The following CHRNA5 variants were observed in gnomAD, a reference collection of about 807,000 sequenced individuals.
CHRNA5 encodes the protein neuronal acetylcholine receptor subunit alpha-5.
CHRNA5 carries 28 observed loss-of-function variants against 41.2 expected under a neutral mutation model. That is an observed-to-expected ratio of 0.68 (90% CI 0.50 to 0.93). CHRNA5 has a LOEUF of 0.93. CHRNA5 is among the 40% of genes least tolerant of loss of function. The pLI, the probability that CHRNA5 is intolerant of heterozygous loss-of-function variation, is 0.00. For missense variants in CHRNA5, 481 were observed against 581.9 expected (o/e 0.83, Z 1.78); for synonymous variants, 188 against 205.8 (o/e 0.91, Z 0.74).
At chr15:78,586,762 A>G in intron 3 of CHRNA5, 73 bp downstream of exon 3, 3 of 1,025,904 alleles carry the variant, frequency 2.9e-6, no homozygotes, top group Non-Finnish European at 4.5e-6. Flanking sequence ...GTATTGTAGC[A>G]GAAATACAAG....
At chr15:78,593,394 CAG>C (rs1221411867) in exon 6 of CHRNA5, 3 of 742,396 alleles carry the variant, frequency 4.0e-6, no homozygotes, top group Non-Finnish European at 6.0e-6. Flanking sequence ...TTTATGTTAA[CAG>C]ATGATCCATT....
chr15:78,565,626 C>G (rs1444317962), exon 1 of CHRNA5: 1 of 304,224 alleles, frequency 3.3e-6, no homozygotes. Context: ...TTTTGTCTCA[C>G]GACTCACACT....
chr15:78,569,743 T>C (rs1435075949), intron 1 of CHRNA5, among the ~76,000 whole-genome samples: 2 of 151,928 alleles, frequency 1.3e-5, no homozygotes, highest in African/African-American at 4.8e-5. Flanking sequence ...TGGAATTGTT[T>C]TTGAAAGAAG....
chr15:78,593,367 T>C, exon 6 of CHRNA5: 1 of 1,057,214 alleles, frequency 9.5e-7, no homozygotes, highest in Non-Finnish European at 1.3e-6. Flanking sequence ...TTTAACAGAC[T>C]AAGTTGCTAA....
At chr15:78,584,462 C>T (rs2052941064) in intron 2 of CHRNA5, among the ~76,000 whole-genome samples, 1 of 152,230 alleles carries the variant, frequency 6.6e-6, no homozygotes, top group Admixed American at 6.5e-5. Context: ...TTTGTTGCAT[C>T]CTCCATTGTG....
At chr15:78,573,477 C>G (rs2052825305) in intron 1 of CHRNA5, among the ~76,000 whole-genome samples, 2 of 152,232 alleles carry the variant, frequency 1.3e-5, no homozygotes, top group Admixed American at 1.3e-4. Context: ...CTCCCTCTGG[C>G]ACCTGGCACA....
chr15:78,586,042 C>T lies in CHRNA5; in HGVS notation c.259-603C>T, dbSNP rs565564052. ...CTCCTGCCCTCAAGTGATCTGCCCA[C>T]CTTGGCCTCCCAAAGTGTTGGTATT... On this transcript the variant is annotated intron_variant, in intron 2 of 5. Transcript: ENST00000299565. 7.0e-4 allele frequency among the ~76,000 whole-genome samples: 107 copies of T among 152,076 alleles called. 1 individual carries two copies. The highest frequency in any genetic ancestry group is 1.2e-3 in the Non-Finnish European group (81 of 68,014).
At chr15:78,584,219 C>T (rs2052938631) in intron 2 of CHRNA5, among the ~76,000 whole-genome samples, 3 of 152,170 alleles carry the variant, frequency 2.0e-5, no homozygotes, top group Non-Finnish European at 2.9e-5. Context: ...CTAAGCTCCC[C>T]GGAATCATAT....
At chr15:78,579,265 GTTT>G in intron 1 of CHRNA5, among the ~76,000 whole-genome samples, 1 of 102,194 alleles carries the variant, frequency 9.8e-6, no homozygotes, top group African/African-American at 3.5e-5. Flanking sequence ...TTGTTTGTTT[GTTT>G]TTTGAGACAG....
rs74522567 is a variant in CHRNA5, at chr15:78,567,786, T to G, written c.106+1961T>G. On this transcript the variant is annotated intron_variant, in intron 1 of 5. Transcript: ENST00000299565. The stretch of plus-strand genomic sequence containing the variant: ...CCATTAAAGGATCCCCCTTCCACCT[T>G]GAAAATTATAAGATTCTGTGTGCTC... 3.7e-3 allele frequency among the ~76,000 whole-genome samples: 557 copies of G among 152,308 alleles called. 15 individuals are homozygous for G. The East Asian group carries it at 0.057, about 15-fold the overall frequency.
chr15:78,565,869 C>A, intron 1 of CHRNA5, 44 bp downstream of exon 1: 2 of 1,134,540 alleles, frequency 1.8e-6, no homozygotes, highest in Non-Finnish European at 2.2e-6. Context: ...CTGGCCCGGA[C>A]TCCACATCGC....
chr15:78,571,801 C>G (rs531116169), intron 1 of CHRNA5, among the ~76,000 whole-genome samples: 5 of 151,476 alleles, frequency 3.3e-5, no homozygotes, highest in African/African-American at 1.2e-4. Context: ...AATCCTGGAG[C>G]GAAAAAAATC....
In CHRNA5 at chr15:78,588,844, A is replaced by G. The variant is rs554448682; in HGVS notation, c.413+421A>G. On this transcript the variant is annotated intron_variant, in intron 4 of 5. Transcript: ENST00000299565. This position sits in a 1 kb window ranked among gnomAD's most constrained non-coding sequence, Gnocchi z 4.1. The stretch of plus-strand genomic sequence containing the variant: ...ATGAGGAATGCTGGGTTAATTATCA[A>G]TTCATCTTTAGAGGCATCCTACCTA... 2.5e-4 allele frequency among the ~76,000 whole-genome samples: 38 copies of G among 149,926 alleles called. 1 individual carries two copies. The South Asian group carries it at 4.2e-3, about 17-fold the overall frequency.
exon 6 of CHRNA5, chr15:78,593,426 C>A: frequency 3.7e-6 from 2 of 542,194 alleles, no homozygotes; most frequent in Non-Finnish European, 6.0e-6. Context: ...GGCTGTATGA[C>A]TGAAGTAATA....
At chr15:78,578,167 C>T (rs879827705) in intron 1 of CHRNA5, among the ~76,000 whole-genome samples, 9 of 152,154 alleles carry the variant, frequency 5.9e-5, no homozygotes, top group Admixed American at 2.0e-4. Flanking sequence ...CTTTTACAGG[C>T]GTCACCACAC....
intron 1 of CHRNA5, 66 bp from the exon 2 acceptor site, chr15:78,580,745 T>G: frequency 7.1e-7 from 1 of 1,411,736 alleles, no homozygotes; most frequent in Admixed American, 2.0e-5. Flanking sequence ...TGAACTTTTG[T>G]TTGAAAGTAC....
chr15:78,585,275 C>T (rs534364285), intron 2 of CHRNA5, among the ~76,000 whole-genome samples: 80 of 152,180 alleles, frequency 5.3e-4, no homozygotes, highest in African/African-American at 1.9e-3. Context: ...GAGAGATGGC[C>T]GTGCTGCATT....
chr15:78,585,343 G>A (rs1036909166), intron 2 of CHRNA5, among the ~76,000 whole-genome samples: 2 of 152,158 alleles, frequency 1.3e-5, no homozygotes, highest in African/African-American at 4.8e-5. Flanking sequence ...ATCCTCAGGG[G>A]TATGCTTCCT....
At chr15:78,571,100 A>T (rs2052800632) in intron 1 of CHRNA5, among the ~76,000 whole-genome samples, 1 of 152,110 alleles carries the variant, frequency 6.6e-6, no homozygotes, top group Non-Finnish European at 1.5e-5. Flanking sequence ...AGGGCCTGAG[A>T]CTCTGCATTT....
Sources: gnomAD v4.1 joint callset for allele counts (sites outside exome capture counted in the v4.1 genomes callset) on GRCh38, gnomAD v4.1.1 for gene constraint, Gnocchi (gnomAD v3.1) non-coding constraint, MANE v1.5 for transcripts, NCBI Gene and HGNC (gene_info 2026-07-23, HGNC 2026-07-21) for gene names.